TFB1M: variants seen among roughly 807,000 people sequenced by gnomAD.
TFB1M encodes the protein dimethyladenosine transferase 1, mitochondrial.
In TFB1M, 27 loss-of-function variants were observed where a neutral mutation model predicts 31.1. The observed-to-expected ratio is 0.87, with a 90% CI of 0.64 to 1.20. The LOEUF is 1.20. Ranked by LOEUF, TFB1M falls within the 50% of genes most tolerant of loss-of-function variation. The pLI, the probability that TFB1M is intolerant of heterozygous loss-of-function variation, is 0.00. For synonymous variants in TFB1M, 166 were observed against 151.8 expected, an observed-to-expected ratio of 1.09 and a Z score of -0.69; for missense variants, 394 against 418.7, an observed-to-expected ratio of 0.94 and a Z score of 0.51.
chr6:155,300,038 T>C (rs1456923514), intron 2 of TFB1M, among the ~76,000 whole-genome samples: 1 of 152,192 alleles, frequency 6.6e-6, no homozygotes, highest in African/African-American at 2.4e-5. Flanking sequence ...ATTTAAGAAG[T>C]GCATGAATAA....
intron 2 of TFB1M, chr6:155,303,231 C>T (rs335354): frequency 0.019 from 2,885 of 152,262 alleles, 71 homozygotes; most frequent in African/African-American, 0.05. Context: ...TGCTATATGG[C>T]ACAATCCTCT....
chr6:155,248,400 G>T, the TFB1M span, among the ~76,000 whole-genome samples: 211 of 152,360 alleles, frequency 1.4e-3, 6 homozygotes, highest in East Asian at 0.026. Flanking sequence ...GGGTAGAAAT[G>T]ATCTCATCCG....
intron 2 of TFB1M, among the ~76,000 whole-genome samples, chr6:155,307,514 G>A (rs1200656677): frequency 6.6e-6 from 1 of 152,048 alleles, no homozygotes; most frequent in Admixed American, 6.5e-5. Context: ...GCACAGGAAA[G>A]ACCCACCCCC....
chr6:155,239,867 G>A, the TFB1M span, among the ~76,000 whole-genome samples: 8 of 152,144 alleles, frequency 5.3e-5, no homozygotes, highest in East Asian at 1.9e-4. Context: ...CTGCCTGTGC[G>A]CTCTGCAGGG....
chr6:155,275,798 C>A, intron 5 of TFB1M: 2 of 1,614,132 alleles, frequency 1.2e-6, no homozygotes, highest in Non-Finnish European at 1.7e-6. Context: ...AGCCACTCTG[C>A]TGCCCAACTG....
chr6:155,260,941 T>A (rs181170118), intron 5 of TFB1M: 8 of 180,726 alleles, frequency 4.4e-5, no homozygotes, highest in Admixed American at 4.3e-4. Flanking sequence ...GTAGCAATTT[T>A]AAATGCCCCG....
chr6:155,301,229 G>C (rs1227507837), intron 2 of TFB1M, among the ~76,000 whole-genome samples: 1 of 152,162 alleles, frequency 6.6e-6, no homozygotes, highest in African/African-American at 2.4e-5. Flanking sequence ...TTTGTAGCTT[G>C]ATCTACTTTG....
chr6:155,238,885 G>C, the TFB1M span, among the ~76,000 whole-genome samples: 20 of 152,326 alleles, frequency 1.3e-4, no homozygotes, highest in Admixed American at 4.6e-4. Context: ...GAATTGAACT[G>C]AAAGACTAGC....
In TFB1M at chr6:155,257,035, C is replaced by T; in HGVS notation, c.*801G>A. 1.9e-6 allele frequency: 3 copies of T among 1,614,158 alleles called. No homozygotes were observed. The highest frequency in any genetic ancestry group is 2.5e-6 in the Non-Finnish European group (3 of 1,180,038). On this transcript the variant is annotated 3_prime_UTR_variant, in exon 7 of 7. Transcript: ENST00000367166. ...TGCCACCATCGACCTAAATTCTGTT[C>T]TAGAGCGAGAATTCAGTGTCCAGAG...
chr6:155,250,282 T>C, the TFB1M span, among the ~76,000 whole-genome samples: 1 of 146,118 alleles, frequency 6.8e-6, no homozygotes, highest in African/African-American at 2.5e-5. Context: ...TTTTCCTTTT[T>C]GATTTTGCCT....
At chr6:155,291,605 A>C (rs1196594489) in intron 4 of TFB1M, among the ~76,000 whole-genome samples, 1 of 152,228 alleles carries the variant, frequency 6.6e-6, no homozygotes, top group Non-Finnish European at 1.5e-5. Flanking sequence ...CAACCTTGGC[A>C]TGACTGACAT....
intron 1 of TFB1M, among the ~76,000 whole-genome samples, chr6:155,313,456 T>C (rs770312186): frequency 2.6e-5 from 4 of 152,236 alleles, no homozygotes; most frequent in East Asian, 1.9e-4. Flanking sequence ...GAATGAAATA[T>C]GAAAATCTCA....
At chr6:155,275,850 T>C (rs1434443549) in intron 5 of TFB1M, 5 of 1,614,088 alleles carry the variant, frequency 3.1e-6, no homozygotes, top group Non-Finnish European at 4.2e-6. Context: ...ATAACAGCCA[T>C]TGTACAGCTG....
At chr6:155,234,007 G>A in the TFB1M span, among the ~76,000 whole-genome samples, 1 of 149,604 alleles carries the variant, frequency 6.7e-6, no homozygotes, top group African/African-American at 2.5e-5. Context: ...TTTTTTTGGG[G>A]GGGGGTTGGG....
At chr6:155,262,230 A>C (rs993786021) in intron 5 of TFB1M, among the ~76,000 whole-genome samples, 2 of 152,126 alleles carry the variant, frequency 1.3e-5, no homozygotes, top group Non-Finnish European at 2.9e-5. Flanking sequence ...GGGAAGGAAA[A>C]AGAAGACCTG....
chr6:155,275,296 C>T (rs1383439072), intron 5 of TFB1M, among the ~76,000 whole-genome samples: 2 of 152,136 alleles, frequency 1.3e-5, no homozygotes, highest in Non-Finnish European at 2.9e-5. Flanking sequence ...TTATCAGATA[C>T]TATAGCTGGA....
chr6:155,254,201 C>T (rs146208233), downstream of TFB1M: 1,108 of 1,008,932 alleles, frequency 1.1e-3, 10 homozygotes, highest in African/African-American at 0.016. Context: ...CAACTGAGGC[C>T]GCTAGTAGGA....
downstream of TFB1M, among the ~76,000 whole-genome samples, chr6:155,251,640 G>T (rs369032532): frequency 9.8e-5 from 15 of 152,298 alleles, no homozygotes; most frequent in Admixed American, 6.5e-4. Context: ...AATTCTGAGA[G>T]TTGGGAGAAC....
chr6:155,292,791 G>A (rs1488419792), intron 4 of TFB1M, among the ~76,000 whole-genome samples: 1 of 152,128 alleles, frequency 6.6e-6, no homozygotes, highest in African/African-American at 2.4e-5. Context: ...AAATGATAGA[G>A]GTAATGAAAT....
Sources: gnomAD v4.1 joint callset for allele counts (sites outside exome capture counted in the v4.1 genomes callset) on GRCh38, gnomAD v4.1.1 for gene constraint, MANE v1.5 for transcripts, NCBI Gene and HGNC (gene_info 2026-07-23, HGNC 2026-07-21) for gene names.